The following EID2 variants were observed in gnomAD, a reference collection of about 807,000 sequenced individuals.
EID2 encodes the protein EP300 interacting inhibitor of differentiation 2.
A neutral mutation model predicts 2.6 loss-of-function variants in EID2; 1 was observed. The observed-to-expected ratio is 0.39, with a 90% CI of 0.14 to 1.85. EID2 has a LOEUF of 1.85. Among genes scored for constraint, EID2 ranks in the 40% most tolerant of loss-of-function variants. EID2 has a pLI of 0.32. For missense variants in EID2, 285 were observed against 338.4 expected (o/e 0.84, Z 1.24); for synonymous variants, 126 against 147.2 (o/e 0.86, Z 1.04).
rs756864090 is a variant in EID2 at position 39,539,830 on chromosome 19, A to T, written c.250T>A (p.Leu84Met). 1 of 1,425,554 alleles carries T rather than the reference A, an allele frequency of 7.0e-7. No individual in the cohort carries two copies. 88.3% of individuals were successfully genotyped at this position (1,425,554 alleles called of 1,614,324 possible). A position where few individuals can be genotyped will look rare whatever the true frequency, so the allele number is the denominator to read the frequency against. The change falls in exon 1 of 1, where the codon TTG (leucine) becomes ATG (methionine). Residue 84 changes from leucine to methionine, a missense_variant. Coordinates refer to ENST00000390658, the MANE Select transcript of EID2 (RefSeq NM_153232.4). ...ARGAPVAAAA[L>M]ARAAAAGRES... is the part of the protein sequence containing the mutation. ...CTGCCCGCCGCGGCTGCCCTGGCCAACGCCGCCGCTGCCACCGGGGCTCCC... is the reference window on the plus strand; with the variant it reads ...CTGCCCGCCGCGGCTGCCCTGGCCATCGCCGCCGCTGCCACCGGGGCTCCC...
Position 39,540,011 on chromosome 19 carries a change from C to G in EID2, c.69G>C (p.Pro23=), listed in dbSNP as rs1421744371. The G allele has an allele frequency of 6.3e-7, 1 of 1,593,036 alleles. No individual in the cohort carries two copies. Among genetic ancestry groups the G allele is most frequent in the East Asian group, 2.3e-5 (1 of 43,630 alleles). ...GCCTCCCGCGGCCTACCTCCGCCTG[C>G]GGGACGTCTCTGTCACCATTCGCCG... ...TGAANGDRDV[P]QAEVGRGRRE... The change falls in exon 1 of 1, where the codon CCG becomes CCC. Residue 23 remains proline (P), a synonymous_variant. Coordinates refer to ENST00000390658, the MANE Select transcript of EID2 (RefSeq NM_153232.4).
rs1447301989 is a variant in EID2, at chr19:39,539,331, G to A, written c.*38C>T. ...TCAAGTTGCAGGATTGGTATGACTG[G>A]AATGCAGAGGTTCTCTTGAAGTAGT... On this transcript the variant is annotated 3_prime_UTR_variant, in exon 1 of 1. Coordinates refer to ENST00000390658, the MANE Select transcript of EID2 (RefSeq NM_153232.4). The A allele has an allele frequency of 6.4e-7, 1 of 1,564,244 alleles. No individual in the cohort carries two copies. The highest frequency in any genetic ancestry group is 8.8e-7 in the Non-Finnish European group (1 of 1,138,968).
At position 39,539,927 on chromosome 19, in the gene EID2, C is replaced by G; in HGVS notation, c.153G>C (p.Arg51Ser). The G allele has an allele frequency of 6.7e-7, 1 of 1,501,588 alleles. No homozygotes were observed. The highest frequency in any genetic ancestry group is 2.1e-5 in the Admixed American group (1 of 47,000). The allele number at this position is 1,501,588 out of a possible 1,614,324, so 93.0% of individuals were successfully genotyped here. Residue 51 changes from arginine to serine, a missense_variant, in exon 1 of 1, where the codon AGG becomes AGC. Arg to Ser is a moderately radical substitution (Grantham distance 110). Coordinates refer to ENST00000390658, the MANE Select transcript of EID2 (RefSeq NM_153232.4). ...EAGEGAMAAA[R>S]GGPVPAAREG... is the part of the protein sequence containing the mutation. ...CCCTGGCCGCCGGCACCGGGCCTCC[C>G]CTGGCCGCCGCCATCGCGCCTTCCC...
In EID2 at chr19:39,539,216, AT is replaced by A. The variant is rs1972053194; in HGVS notation, c.*152del. 1 of 660,264 alleles carries A rather than the reference AT, an allele frequency of 1.5e-6. No homozygotes were observed. The highest frequency in any genetic ancestry group is 2.5e-6 in the Non-Finnish European group (1 of 393,594). The allele number at this position is 660,264 out of a possible 1,614,324, so 40.9% of individuals were successfully genotyped here. On this transcript the variant is annotated 3_prime_UTR_variant, in exon 1 of 1. Transcript: ENST00000390658. The stretch of plus-strand genomic sequence containing the variant: ...TTCGACATTTTTTTCTACTTCTGTG[AT>A]GCTTTTTCAAGATAAGCTTCCCCCT...
Position 39,539,221 on chromosome 19 carries a change from T to TGAA in EID2, c.*147_*148insTTC. ...CATTTTTTTCTACTTCTGTGATGCT[T>TGAA]TTTCAAGATAAGCTTCCCCCTCCCC... On this transcript the variant is annotated 3_prime_UTR_variant, in exon 1 of 1. Transcript: ENST00000390658. The TGAA allele has an allele frequency of 1.4e-6, 1 of 691,664 alleles. No individual in the cohort carries two copies. The highest frequency in any genetic ancestry group is 2.4e-6 in the Non-Finnish European group (1 of 420,004). The allele number at this position is 691,664 out of a possible 1,614,324, so 42.8% of individuals were successfully genotyped here.
rs1568460349 is a variant in EID2 at position 39,539,780 on chromosome 19, G to A, written c.300C>T (p.Ala100=). The A allele has an allele frequency of 2.5e-6, 4 of 1,598,212 alleles. No individual in the cohort carries two copies. Among genetic ancestry groups the A allele is most frequent in the Admixed American group, 1.7e-5 (1 of 59,674 alleles). Residue 100 remains alanine, a synonymous_variant, in exon 1 of 1, where the codon GCC becomes GCT. Coordinates refer to ENST00000390658, the MANE Select transcript of EID2 (RefSeq NM_153232.4). ...AGRESPAAAA[A]REARMAEVAR... ...CGACCTCCGCCATCCGGGCTTCCCT[G>A]GCCGCCGCCGCCGCCGGGCTTTCCC...
In EID2 at chr19:39,539,508, G is replaced by C; in HGVS notation, c.572C>G (p.Ala191Gly). 6.2e-6 allele frequency: 10 copies of C among 1,614,260 alleles called. No individual in the cohort carries two copies. The highest frequency in any genetic ancestry group is 8.5e-6 in the Non-Finnish European group (10 of 1,180,046). ...ATTTCGCTGATATTCGGCATCAAAC[G>C]CTGCTTCCCTTGCTCTGCAGGCTTC... ...FVEACRAREAAFDAEYQRNPH... is the reference protein window; with the variant it reads ...FVEACRAREAGFDAEYQRNPH... The change falls in exon 1 of 1, where the codon GCG becomes GGG. Residue 191 changes from alanine to glycine, a missense_variant. Coordinates refer to ENST00000390658, the MANE Select transcript of EID2 (RefSeq NM_153232.4).
In EID2 at chr19:39,539,855, C is replaced by A; in HGVS notation, c.225G>T (p.Arg75Ser). The A allele has an allele frequency of 7.5e-7, 1 of 1,334,710 alleles. No individual in the cohort carries two copies. The allele number at this position is 1,334,710 out of a possible 1,614,324, so 82.7% of individuals were successfully genotyped here. ...ACGCCGCCGCTGCCACCGGGGCTCC[C>A]CTGGCTGCCGCCGCCGGGGCTGCCC... ...AARAAPAAAA[R>S]GAPVAAAALA... The change falls in exon 1 of 1, where the codon AGG (arginine) becomes AGT (serine). Residue 75 changes from arginine to serine, a missense_variant. Physicochemically the swap from Arg to Ser is moderately radical, Grantham distance 110. Coordinates refer to ENST00000390658, the MANE Select transcript of EID2 (RefSeq NM_153232.4).
chr19:39,539,780 G>GGCCGCC lies in EID2; in HGVS notation c.294_299dup (p.Ala99_Ala100dup), dbSNP rs769402121. ...CGACCTCCGCCATCCGGGCTTCCCTGGCCGCCGCCGCCGCCGGGCTTTCCC... is the reference window on the plus strand; with the variant it reads ...CGACCTCCGCCATCCGGGCTTCCCTGGCCGCCGCCGCCGCCGCCGCCGGGCTTTCCC... On this transcript the variant is annotated inframe_insertion, in exon 1 of 1. Coordinates refer to ENST00000390658, the MANE Select transcript of EID2 (RefSeq NM_153232.4). 7 of 1,598,212 alleles carry GGCCGCC rather than the reference G, an allele frequency of 4.4e-6. No homozygotes were observed. The Admixed American group carries it at 6.7e-5, about 15-fold the overall frequency.
Sources: gnomAD v4.1 joint callset for allele counts on GRCh38, gnomAD v4.1.1 for gene constraint, MANE v1.5 for transcripts, NCBI Gene and HGNC (gene_info 2026-07-23, HGNC 2026-07-21) for gene names.